Variants in JPH3 observed in about 807,000 individuals in gnomAD.
JPH3 encodes junctophilin-3.
JPH3 carries 11 observed loss-of-function variants against 59.6 expected under a neutral mutation model. That is an observed-to-expected ratio of 0.18 (90% CI 0.12 to 0.31). JPH3 has a LOEUF of 0.31. Among genes scored for constraint, JPH3 ranks in the 10% least tolerant of loss-of-function variants. JPH3 has a pLI of 1.00. For missense variants in JPH3, 1,202 were observed against 1,105.7 expected, an observed-to-expected ratio of 1.09 and a Z score of -1.24; for synonymous variants, 673 against 483.6, an observed-to-expected ratio of 1.39 and a Z score of -5.14.
rs1189189473 is a variant in JPH3, at chr16:87,689,990, AGCGGTGCCCTGCGCG to A, written c.1635_1649del (p.Ala546_Gly550del). 1 of 1,486,588 alleles carries A rather than the reference AGCGGTGCCCTGCGCG, an allele frequency of 6.7e-7. No homozygotes were observed. Among genetic ancestry groups the A allele is most frequent in the East Asian group, 2.5e-5 (1 of 40,414 alleles). The allele number at this position is 1,486,588 out of a possible 1,614,324, so 92.1% of individuals were successfully genotyped here. A position where few individuals can be genotyped will look rare whatever the true frequency, so the allele number is the denominator to read the frequency against. ...GGCCGGGGGCTCCAGGGGTGTCCGC[AGCGGTGCCCTGCGCG>A]GCGGCCTGCTCGTGGATGACTTCCG... On this transcript the variant is annotated inframe_deletion, in exon 4 of 5. Coordinates refer to ENST00000284262, the MANE Select transcript of JPH3 (RefSeq NM_020655.4).
rs755172410 is a variant in JPH3, at chr16:87,603,350, C to G, written c.204C>G (p.Gly68=). 5 of 1,612,644 alleles carry G rather than the reference C, an allele frequency of 3.1e-6. No homozygotes were observed. Among genetic ancestry groups the G allele is most frequent in the Admixed American group, 3.3e-5 (2 of 59,834 alleles). ...CGTACCAGGGCACCTGGGCGCAGGG[C>G]AAGCGCCACGGCATCGGCCTGGAGA... is the stretch of plus-strand genomic sequence containing the variant. ...GNTYQGTWAQ[G]KRHGIGLESK... The change falls in exon 1 of 5, where the codon GGC becomes GGG. Residue 68 remains glycine, a synonymous_variant. Coordinates refer to ENST00000284262, the MANE Select transcript of JPH3 (RefSeq NM_020655.4).
rs386793857 is a variant in JPH3 at position 87,633,901 on chromosome 16, CTTGCTT to C, written c.383-10353_383-10348del. Among the ~76,000 whole-genome samples the C allele has an allele frequency of 4.7e-3, 613 of 131,698 alleles. 10 individuals are homozygous for C. The highest frequency in any genetic ancestry group is 0.024 in the African/African-American group (568 of 23,620). 86.4% of individuals were successfully genotyped at this position (131,698 alleles called of 152,430 possible). ...TTCTGAAAAACCATAACCCCAAACCCTTGCTTTTGACCAAGCAATTTCATTCTAGGA... is the reference window on the plus strand; with the variant it reads ...TTCTGAAAAACCATAACCCCAAACCCTTGACCAAGCAATTTCATTCTAGGA... On this transcript the variant is annotated intron_variant, in intron 1 of 4. Coordinates refer to ENST00000284262, the MANE Select transcript of JPH3 (RefSeq NM_020655.4).
intron 2 of JPH3, among the ~76,000 whole-genome samples, chr16:87,653,372 T>C (rs1453876231): frequency 2.6e-5 from 4 of 152,120 alleles, no homozygotes; most frequent in South Asian, 4.2e-4. Flanking sequence ...GCTGCAGGGT[T>C]CTCCAGTGAG....
At chr16:87,626,006 A>C (rs1031054324) in intron 1 of JPH3, among the ~76,000 whole-genome samples, 1 of 152,192 alleles carries the variant, frequency 6.6e-6, no homozygotes, top group African/African-American at 2.4e-5. Context: ...GGCAATCTCC[A>C]GATTGGCCAC....
intron 2 of JPH3, among the ~76,000 whole-genome samples, chr16:87,680,008 G>C (rs1217541921): frequency 6.6e-6 from 1 of 152,218 alleles, no homozygotes; most frequent in African/African-American, 2.4e-5. Flanking sequence ...TCTAAGCCTG[G>C]GTCTTCCTCT....
intron 2 of JPH3, among the ~76,000 whole-genome samples, chr16:87,660,556 T>C (rs981379312): frequency 6.6e-6 from 1 of 152,212 alleles, no homozygotes; most frequent in Non-Finnish European, 1.5e-5. Flanking sequence ...CACAGACCAG[T>C]ACACCAGGGT....
At chr16:87,664,521 A>G (rs1436411707) in intron 2 of JPH3, among the ~76,000 whole-genome samples, 1 of 151,864 alleles carries the variant, frequency 6.6e-6, no homozygotes, top group Admixed American at 6.6e-5. Flanking sequence ...GCTACTGAGG[A>G]GACTGAGGCA....
intron 2 of JPH3, among the ~76,000 whole-genome samples, chr16:87,680,517 C>T (rs1035406023): frequency 2.6e-5 from 4 of 152,224 alleles, no homozygotes; most frequent in Non-Finnish European, 4.4e-5. Flanking sequence ...AGAACGATCG[C>T]GACCTTTTCC....
intron 1 of JPH3, among the ~76,000 whole-genome samples, chr16:87,617,463 G>T (rs1002660468): frequency 6.6e-6 from 1 of 152,090 alleles, no homozygotes; most frequent in Non-Finnish European, 1.5e-5. Context: ...GAGAGCTGGT[G>T]CTGGGCCGTG....
chr16:87,685,834 T>C (rs190458460), intron 3 of JPH3, among the ~76,000 whole-genome samples: 23 of 152,288 alleles, frequency 1.5e-4, no homozygotes, highest in Non-Finnish European at 2.6e-4. Context: ...ACAGGGAACA[T>C]TGAAGCCTCC....
At chr16:87,651,630 A>T (rs2032327289) in intron 2 of JPH3, among the ~76,000 whole-genome samples, 1 of 152,226 alleles carries the variant, frequency 6.6e-6, no homozygotes, top group Admixed American at 6.5e-5. Flanking sequence ...ATAGCAAGAG[A>T]ACTGGAATTA....
At chr16:87,691,096 C>CA (rs1555543740) in intron 4 of JPH3, among the ~76,000 whole-genome samples, 2 of 150,624 alleles carry the variant, frequency 1.3e-5, no homozygotes, top group East Asian at 1.9e-4. Context: ...ACCCCCCCCC[C>CA]AAATTCGTTC....
chr16:87,679,080 C>T (rs1465701248), intron 2 of JPH3, among the ~76,000 whole-genome samples: 6 of 152,190 alleles, frequency 3.9e-5, no homozygotes, highest in Non-Finnish European at 8.8e-5. Flanking sequence ...CAGCCCCAGG[C>T]GCAGACCTGG....
At chr16:87,695,115 A>G (rs1196149714) in intron 4 of JPH3, 6 of 355,914 alleles carry the variant, frequency 1.7e-5, no homozygotes, top group Non-Finnish European at 1.1e-5. Context: ...ATTCTCTTCC[A>G]GTCTCTGGGA....
chr16:87,644,997 C>T lies in JPH3; in HGVS notation c.1122C>T (p.Ala374=). The change falls in exon 2 of 5, where the codon GCC becomes GCT. Residue 374 remains alanine (A), a synonymous_variant. Coordinates refer to ENST00000284262, the MANE Select transcript of JPH3 (RefSeq NM_020655.4). ...CCGTTGAGGCCGCTGAGCGGGCCGC[C>T]ACCATCGCCAAGCAGAAGGCTGAGA... ...DRAVEAAERA[A]TIAKQKAEIA... is the part of the protein sequence containing the mutation. 1.2e-6 allele frequency: 2 copies of T among 1,607,256 alleles called. No homozygotes were observed. Among genetic ancestry groups the T allele is most frequent in the Non-Finnish European group, 8.5e-7 (1 of 1,179,580 alleles).
intron 2 of JPH3, among the ~76,000 whole-genome samples, chr16:87,650,766 G>C (rs900545203): frequency 2.0e-5 from 3 of 152,256 alleles, no homozygotes; most frequent in Admixed American, 6.5e-5. Flanking sequence ...AAGGCTGAGA[G>C]AGGTGAGGAA....
chr16:87,648,747 G>A (rs1404391151), intron 2 of JPH3, among the ~76,000 whole-genome samples: 1 of 152,336 alleles, frequency 6.6e-6, no homozygotes, highest in South Asian at 2.1e-4. Flanking sequence ...CCTCGGCCAT[G>A]TGACATCATT....
chr16:87,674,227 G>A (rs951945394), intron 2 of JPH3, among the ~76,000 whole-genome samples: 11 of 152,132 alleles, frequency 7.2e-5, no homozygotes, highest in East Asian at 1.9e-4. Flanking sequence ...CCAGCTACTC[G>A]GGAGTGTGAG....
At chr16:87,658,879 C>T (rs947910904) in intron 2 of JPH3, among the ~76,000 whole-genome samples, 1 of 152,246 alleles carries the variant, frequency 6.6e-6, no homozygotes, top group Non-Finnish European at 1.5e-5. Context: ...CCTCTCCAAA[C>T]CCAGCCATCC....
Sources: allele counts gnomAD v4.1 joint callset (sites outside exome capture counted in the v4.1 genomes callset), GRCh38; gene constraint gnomAD v4.1.1; transcripts MANE v1.5; gene names NCBI Gene and HGNC (gene_info 2026-07-23, HGNC 2026-07-21).